The following ZFHX3 variants were observed in gnomAD, a reference collection of about 807,000 sequenced individuals.
ZFHX3 encodes the protein zinc finger homeobox 3.
Under a neutral mutation model 279.1 loss-of-function variants are expected in ZFHX3, and 42 were observed. The observed-to-expected ratio is 0.15, with a 90% confidence interval of 0.12 to 0.19. ZFHX3 has a LOEUF of 0.19. Ranked by LOEUF, ZFHX3 falls within the 10% of genes least tolerant of loss-of-function variation. The pLI, the probability that ZFHX3 is intolerant of heterozygous loss-of-function variation, is 1.00. For synonymous variants in ZFHX3, 2,293 were observed against 1,957.8 expected (o/e 1.17, Z -4.52); for missense variants, 4,981 against 4,754.0 (o/e 1.05, Z -1.40).
chr16:73,630,700 G>A (rs1426446726), intron 2 of ZFHX3, among the ~76,000 whole-genome samples: 3 of 152,190 alleles, frequency 2.0e-5, no homozygotes, highest in African/African-American at 4.8e-5. Context: ...TTCAGCTGGC[G>A]TTTCACTGTT....
At chr16:73,498,323 G>A (rs1051448033) in intron 2 of ZFHX3, among the ~76,000 whole-genome samples, 4 of 152,216 alleles carry the variant, frequency 2.6e-5, no homozygotes, top group Admixed American at 2.6e-4. Flanking sequence ...ACATGTGGGA[G>A]CTTTCTGGAA....
chr16:73,698,645 A>G (rs570022449), intron 1 of ZFHX3, among the ~76,000 whole-genome samples: 1 of 152,280 alleles, frequency 6.6e-6, no homozygotes, highest in East Asian at 1.9e-4. Flanking sequence ...ATCATGGGTA[A>G]ACACTGGAAG....
chr16:73,705,343 G>A (rs969372064), intron 1 of ZFHX3, among the ~76,000 whole-genome samples: 1 of 152,118 alleles, frequency 6.6e-6, no homozygotes, highest in Non-Finnish European at 1.5e-5. Flanking sequence ...CAATGCGGGG[G>A]TTCAATCCCT....
intron 5 of ZFHX3, among the ~76,000 whole-genome samples, chr16:73,228,034 A>G (rs1167156558): frequency 1.3e-5 from 2 of 152,238 alleles, no homozygotes; most frequent in South Asian, 4.1e-4. Flanking sequence ...CATTTTAAAG[A>G]TAAGGAGAAT....
intron 1 of ZFHX3, among the ~76,000 whole-genome samples, chr16:73,792,856 A>ACCCCCCCCCCCCCCC (rs55813623): frequency 5.9e-5 from 8 of 135,094 alleles, no homozygotes; most frequent in East Asian, 2.2e-4. Context: ...CATACAGTGC[A>ACCCCCCCCCCCCCCC]CCCCCCCCCT....
chr16:72,838,145 C>T (rs1256414153), intron 4 of ZFHX3, among the ~76,000 whole-genome samples: 2 of 152,168 alleles, frequency 1.3e-5, no homozygotes, highest in Non-Finnish European at 2.9e-5. Flanking sequence ...CGTTCCTGTC[C>T]CCCATTACCA....
intron 2 of ZFHX3, among the ~76,000 whole-genome samples, chr16:73,565,647 G>T (rs1450773547): frequency 6.6e-6 from 1 of 152,188 alleles, no homozygotes; most frequent in Non-Finnish European, 1.5e-5. Context: ...CCCTTAGGTT[G>T]TGTGACTTGT....
intron 2 of ZFHX3, among the ~76,000 whole-genome samples, chr16:73,606,203 A>G (rs2052180514): frequency 6.7e-6 from 1 of 148,722 alleles, no homozygotes; most frequent in East Asian, 2.0e-4. Context: ...AAAAAAAAAA[A>G]AAAAAAAAAA....
At chr16:73,014,127 G>C (rs1489058407) in intron 1 of ZFHX3, among the ~76,000 whole-genome samples, 2 of 152,028 alleles carry the variant, frequency 1.3e-5, no homozygotes, top group East Asian at 1.9e-4. Flanking sequence ...GTGAGGAAGG[G>C]GCCATCAACC....
chr16:73,409,289 G>A (rs1485903350), intron 3 of ZFHX3, among the ~76,000 whole-genome samples: 1 of 152,200 alleles, frequency 6.6e-6, no homozygotes, highest in Non-Finnish European at 1.5e-5. Flanking sequence ...TCCTGGCTGA[G>A]TCCTCAACCC....
upstream of ZFHX3, among the ~76,000 whole-genome samples, chr16:73,050,036 A>G (rs1965421093): frequency 6.6e-6 from 1 of 152,216 alleles, no homozygotes; most frequent in Non-Finnish European, 1.5e-5. Flanking sequence ...GGGATAGGTA[A>G]GGCCTGCTGG....
At chr16:73,051,499 C>T (rs1965449514), upstream of ZFHX3, among the ~76,000 whole-genome samples, 6 of 152,016 alleles carry the variant, frequency 3.9e-5, no homozygotes, top group South Asian at 1.2e-3. Flanking sequence ...TTTTGATTCA[C>T]ATTTTTCTGC....
At chr16:72,897,131 G>C (rs1402624682) in intron 3 of ZFHX3, among the ~76,000 whole-genome samples, 3 of 152,218 alleles carry the variant, frequency 2.0e-5, no homozygotes, top group Non-Finnish European at 4.4e-5. Flanking sequence ...GCAGGCAGGA[G>C]AGCCTGTCTG....
intron 4 of ZFHX3, among the ~76,000 whole-genome samples, chr16:73,277,740 C>A (rs115264911): frequency 6.0e-4 from 92 of 152,206 alleles, no homozygotes; most frequent in African/African-American, 2.1e-3. Flanking sequence ...CTATAATACT[C>A]GGGACTGAGT....
intron 9 of ZFHX3, chr16:72,789,995 C>G (rs1269199824): frequency 1.3e-5 from 2 of 152,320 alleles, no homozygotes; most frequent in African/African-American, 4.8e-5. Context: ...ACCATATCAC[C>G]AGGCCCTCAT....
intron 5 of ZFHX3, among the ~76,000 whole-genome samples, chr16:73,227,879 C>G (rs1296907573): frequency 7.4e-6 from 1 of 134,430 alleles, no homozygotes; most frequent in Non-Finnish European, 1.6e-5. Context: ...AAAAAGACAT[C>G]GAAGCTGAAA....
chr16:73,680,277 C>G (rs921053852), intron 1 of ZFHX3: 1 of 151,924 alleles, frequency 6.6e-6, no homozygotes, highest in African/African-American at 2.4e-5. Context: ...AGGAAAAGAT[C>G]TAGAAAAATA....
rs115852102 is a variant in ZFHX3, at chr16:73,414,923, A to G, written c.-1291+41080T>C. 9.2e-3 allele frequency among the ~76,000 whole-genome samples: 1,397 copies of G among 152,296 alleles called. 21 individuals are homozygous for G. The highest frequency in any genetic ancestry group is 0.032 in the African/African-American group (1,323 of 41,570). Reference sequence around the variant, plus strand: ...AGAGGTGAGAACAGACTAGCTAGGAAAGGAGTTTCACAAGAACTGGCTCGA... The same window carrying G: ...AGAGGTGAGAACAGACTAGCTAGGAGAGGAGTTTCACAAGAACTGGCTCGA... On this transcript the variant is annotated intron_variant, in intron 3 of 17. Transcript: ENST00000641206.
intron 4 of ZFHX3, among the ~76,000 whole-genome samples, chr16:73,317,133 GA>G (rs1339917008): frequency 1.3e-5 from 2 of 152,062 alleles, no homozygotes; most frequent in Admixed American, 6.5e-5. Context: ...TTATTCTTAA[GA>G]GGGGGGTGGG....
Sources: allele counts gnomAD v4.1 joint callset (sites outside exome capture counted in the v4.1 genomes callset), GRCh38; gene constraint gnomAD v4.1.1; transcripts MANE v1.5; gene names NCBI Gene and HGNC (gene_info 2026-07-23, HGNC 2026-07-21).